Variants in SLC30A4 observed in about 807,000 individuals in gnomAD.
SLC30A4 encodes the protein solute carrier family 30 member 4.
In SLC30A4, 20 loss-of-function variants were observed where a neutral mutation model predicts 41.7. That is an observed-to-expected ratio of 0.48 (90% confidence interval 0.34 to 0.70). The LOEUF (loss-of-function observed/expected upper bound fraction) is 0.70. SLC30A4 is among the 30% of genes least tolerant of loss of function. The pLI, the probability that SLC30A4 is intolerant of heterozygous loss-of-function variation, is 0.01. For synonymous variants in SLC30A4, 181 were observed against 195.9 expected (o/e 0.92, Z 0.64); for missense variants, 441 against 529.3 (o/e 0.83, Z 1.64).
At chr15:45,490,554 T>C (rs913238373) in intron 4 of SLC30A4, among the ~76,000 whole-genome samples, 174 bp downstream of exon 4, 2 of 152,222 alleles carry the variant, frequency 1.3e-5, no homozygotes, top group Non-Finnish European at 2.9e-5. Flanking sequence ...CCAATATACC[T>C]GGGCAAACTA....
intron 2 of SLC30A4, among the ~76,000 whole-genome samples, chr15:45,518,026 T>C (rs978078401): frequency 6.6e-6 from 1 of 152,252 alleles, no homozygotes; most frequent in African/African-American, 2.4e-5. Context: ...TACACTCATC[T>C]AACATGGCCT....
intron 2 of SLC30A4, among the ~76,000 whole-genome samples, chr15:45,516,089 G>T (rs942588368): frequency 1.3e-5 from 2 of 152,084 alleles, no homozygotes; most frequent in African/African-American, 4.8e-5. Flanking sequence ...AAAGTAGTCT[G>T]TTCTTGCTTC....
intron 4 of SLC30A4, among the ~76,000 whole-genome samples, chr15:45,489,453 A>C (rs1891768649): frequency 6.6e-6 from 1 of 152,090 alleles, no homozygotes; most frequent in African/African-American, 2.4e-5. Context: ...AGAATAGCAG[A>C]GCAAAGGCCC....
At chr15:45,495,664 G>C (rs570060632) in intron 3 of SLC30A4, among the ~76,000 whole-genome samples, 1 of 152,146 alleles carries the variant, frequency 6.6e-6, no homozygotes, top group South Asian at 2.1e-4. Flanking sequence ...CAAACACAGC[G>C]CATGAACAGA....
chr15:45,487,476 T>A, intron 6 of SLC30A4, 51 bp downstream of exon 6: 1 of 902,386 alleles, frequency 1.1e-6, no homozygotes, highest in Non-Finnish European at 1.8e-6. Context: ...TGACTCCCAA[T>A]CTGCTTTAGG....
At chr15:45,485,685 C>G (rs535688151) in intron 7 of SLC30A4, among the ~76,000 whole-genome samples, 16 of 151,110 alleles carry the variant, frequency 1.1e-4, no homozygotes, top group Non-Finnish European at 1.9e-4. Context: ...TCTAGCTTTT[C>G]CTATGTAGAA....
chr15:45,490,713 A>G lies in SLC30A4; in HGVS notation c.692+15T>C, dbSNP rs1262431543. 6.4e-7 allele frequency: 1 copy of G among 1,571,158 alleles called. No individual in the cohort carries two copies. Among genetic ancestry groups the G allele is most frequent in the Admixed American group, 1.9e-5 (1 of 52,322 alleles). ...CAGTACTTGAAAATATTAATGTGAA[A>G]AAAATAGAGCTTACATTACATTAAC... On this transcript the variant is annotated intron_variant, in intron 4 of 7. Transcript: ENST00000261867.
At chr15:45,506,522 G>A (rs1892159225) in intron 3 of SLC30A4, among the ~76,000 whole-genome samples, 1 of 152,188 alleles carries the variant, frequency 6.6e-6, no homozygotes, top group South Asian at 2.1e-4. Context: ...CAATGGTACT[G>A]TGGAACTCAG....
Position 45,487,615 on chromosome 15 carries a change from A to G in SLC30A4, c.912T>C (p.Ala304=). Residue 304 remains alanine, a synonymous_variant, in exon 6 of 8, where the codon GCT becomes GCC. Coordinates refer to ENST00000261867, the MANE Select transcript of SLC30A4 (RefSeq NM_013309.6). ...AAAATACGTATGTACAGATGGGGTC[A>G]GCAATCTTGTATTCTGGCTAAAGGG... ...IIRFKPEYKI[A]DPICTYVFSL... is the part of the protein sequence containing the mutation. 1 of 1,539,500 alleles carries G rather than the reference A, an allele frequency of 6.5e-7. No individual in the cohort carries two copies. The highest frequency in any genetic ancestry group is 9.0e-7 in the Non-Finnish European group (1 of 1,113,862).
intron 3 of SLC30A4, among the ~76,000 whole-genome samples, chr15:45,506,849 T>C (rs1892165872): frequency 1.3e-5 from 2 of 152,208 alleles, no homozygotes; most frequent in Admixed American, 6.5e-5. Flanking sequence ...ATAAAATTCA[T>C]GTAACAAAAT....
chr15:45,517,919 G>A (rs1454814074), intron 2 of SLC30A4, among the ~76,000 whole-genome samples: 1 of 152,218 alleles, frequency 6.6e-6, no homozygotes, highest in Non-Finnish European at 1.5e-5. Context: ...CTGCACTCCA[G>A]GCTGGGCGAA....
chr15:45,521,261 A>C (rs1892656992), intron 2 of SLC30A4, among the ~76,000 whole-genome samples: 1 of 152,246 alleles, frequency 6.6e-6, no homozygotes, highest in African/African-American at 2.4e-5. Flanking sequence ...TTGTTCGTAT[A>C]ATTAAAAAAT....
rs1023443202 is a variant in SLC30A4 at position 45,488,770 on chromosome 15, T to G, written c.894+71A>C. On this transcript the variant is annotated intron_variant, in intron 5 of 7. Coordinates refer to ENST00000261867, the MANE Select transcript of SLC30A4 (RefSeq NM_013309.6). ...GGCACTGGTGTCCAGTATACTGATA[T>G]GACAATCAGCCTTAGTTTTCATGTT... 3.3e-6 allele frequency: 4 copies of G among 1,216,830 alleles called. No individual in the cohort carries two copies. In the East Asian group the frequency reaches 7.0e-5, roughly 21 times the overall value. The allele number at this position is 1,216,830 out of a possible 1,614,324, so 75.4% of individuals were successfully genotyped here. A position where few individuals can be genotyped will look rare whatever the true frequency, so the allele number is the denominator to read the frequency against.
At chr15:45,486,797 CT>C in intron 6 of SLC30A4, 52 bp from the exon 7 acceptor site, 2 of 1,042,896 alleles carry the variant, frequency 1.9e-6, no homozygotes, top group Non-Finnish European at 1.4e-6. Context: ...AATAAAGGAA[CT>C]TTTACATTAC....
At chr15:45,522,505 C>A (rs148359545) in intron 1 of SLC30A4, 37 bp from the exon 2 acceptor site, 4 of 775,052 alleles carry the variant, frequency 5.2e-6, no homozygotes, top group Non-Finnish European at 7.7e-6. Flanking sequence ...TTAAAGGCGC[C>A]CAACCCTGTC....
At chr15:45,486,964 T>C (rs992489624) in intron 6 of SLC30A4, among the ~76,000 whole-genome samples, 1 of 151,768 alleles carries the variant, frequency 6.6e-6, no homozygotes, top group Admixed American at 6.6e-5. Context: ...TAAAAACATA[T>C]TCATTCTCAC....
chr15:45,506,464 A>G (rs1892158368), intron 3 of SLC30A4, among the ~76,000 whole-genome samples: 1 of 152,128 alleles, frequency 6.6e-6, no homozygotes, highest in Non-Finnish European at 1.5e-5. Flanking sequence ...AGTGTGTCCA[A>G]ATGTAAATAT....
chr15:45,500,859 T>G (rs902205243), intron 3 of SLC30A4, among the ~76,000 whole-genome samples: 2 of 151,688 alleles, frequency 1.3e-5, no homozygotes, highest in African/African-American at 4.8e-5. Context: ...ATGTTTTGTA[T>G]TTTTAGTAGA....
chr15:45,481,472 T>A lies in SLC30A4; in HGVS notation c.*3691A>T, dbSNP rs926806598. Reference sequence around the variant, plus strand: ...GCCATAGTTGTGAAACACACGTTTATGTACACAAGTAACTCTGATTATTTG... The same window carrying A: ...GCCATAGTTGTGAAACACACGTTTAAGTACACAAGTAACTCTGATTATTTG... On this transcript the variant is annotated 3_prime_UTR_variant, in exon 8 of 8. Transcript: ENST00000261867. 2 of 152,232 alleles carry A rather than the reference T, an allele frequency of 1.3e-5. No homozygotes were observed. The highest frequency in any genetic ancestry group is 2.9e-5 in the Non-Finnish European group (2 of 68,038). The allele number at this position is 152,232 out of a possible 1,614,324, so 9.4% of individuals were successfully genotyped here.
Sources: gnomAD v4.1 joint callset for allele counts (sites outside exome capture counted in the v4.1 genomes callset) on GRCh38, gnomAD v4.1.1 for gene constraint, MANE v1.5 for transcripts, NCBI Gene and HGNC (gene_info 2026-07-23, HGNC 2026-07-21) for gene names.